Variants in ADGRG6 observed in about 807,000 individuals in gnomAD.
ADGRG6 encodes the protein adhesion G protein-coupled receptor G6, also known as G-protein coupled receptor 126.
Under a neutral mutation model 142.4 loss-of-function variants are expected in ADGRG6, and 84 were observed. The observed-to-expected ratio is 0.59, with a 90% CI of 0.49 to 0.71. The LOEUF (loss-of-function observed/expected upper bound fraction) is 0.71, where lower values mean the gene tolerates loss of function less well. ADGRG6 is among the 30% of genes least tolerant of loss of function. ADGRG6 has a pLI of 0.00. For synonymous variants in ADGRG6, 521 were observed against 520.5 expected (o/e 1.00, Z -0.01); for missense variants, 1,367 against 1,466.6 (o/e 0.93, Z 1.11).
intron 2 of ADGRG6, among the ~76,000 whole-genome samples, chr6:142,342,668 A>T (rs1429444839): frequency 6.6e-6 from 1 of 151,952 alleles, no homozygotes; most frequent in Non-Finnish European, 1.5e-5. Flanking sequence ...GCTTTTTAAA[A>T]CTTTGCTAAC....
chr6:142,411,198 C>CTGTA, intron 17 of ADGRG6, 107 bp from the exon 18 acceptor site: 1 of 685,232 alleles, frequency 1.5e-6, no homozygotes, highest in Non-Finnish European at 2.7e-6. Context: ...CAGATAAACT[C>CTGTA]TGTATGGCAG....
rs1479595023 is a variant in ADGRG6 at position 142,338,007 on chromosome 6, TTGTATCTTTG to T, written c.103+28365_103+28374del. On this transcript the variant is annotated intron_variant, in intron 2 of 24. Transcript: ENST00000367609. ...TCTGACACTAAATCCTTTTTATGCC[TTGTATCTTTG>T]TTTTTTTTTTTTTTTTTTTTTGAGA... Among the ~76,000 whole-genome samples, 809 of 93,336 alleles carry T rather than the reference TTGTATCTTTG, an allele frequency of 8.7e-3. 25 individuals are homozygous for T. Among genetic ancestry groups the T allele is most frequent in the African/African-American group, 0.037 (761 of 20,660 alleles). 61.2% of individuals were successfully genotyped at this position (93,336 alleles called of 152,430 possible). A position where few individuals can be genotyped will look rare whatever the true frequency, so the allele number is the denominator to read the frequency against.
chr6:142,405,525 G>A (rs772875173), intron 14 of ADGRG6, 163 bp from the exon 15 acceptor site: 3 of 681,858 alleles, frequency 4.4e-6, no homozygotes, highest in Non-Finnish European at 8.0e-6. Flanking sequence ...TGTCTGTAGG[G>A]GTTTATCCAG....
intron 7 of ADGRG6, among the ~76,000 whole-genome samples, chr6:142,391,493 A>G: frequency 6.6e-6 from 1 of 151,538 alleles, no homozygotes; most frequent in East Asian, 1.9e-4. Context: ...ACATCTATAT[A>G]TATTTGAAAA....
At chr6:142,440,629 T>C (rs1372869401) in intron 24 of ADGRG6, among the ~76,000 whole-genome samples, 1 of 152,154 alleles carries the variant, frequency 6.6e-6, no homozygotes, top group African/African-American at 2.4e-5. Flanking sequence ...GCATTAATGT[T>C]CTTGTTTCCC....
intron 13 of ADGRG6, among the ~76,000 whole-genome samples, chr6:142,403,185 C>T (rs1775622091): frequency 6.6e-6 from 1 of 151,978 alleles, no homozygotes; most frequent in African/African-American, 2.4e-5. Flanking sequence ...GTGAACTATG[C>T]CACTGACAGC....
intron 2 of ADGRG6, among the ~76,000 whole-genome samples, chr6:142,363,840 A>T (rs1047891927): frequency 6.6e-6 from 1 of 152,174 alleles, no homozygotes; most frequent in Non-Finnish European, 1.5e-5. Flanking sequence ...ACTATATTTC[A>T]TACTTCCTAA....
chr6:142,442,630 T>G (rs1300236159), intron 24 of ADGRG6, among the ~76,000 whole-genome samples: 2 of 152,082 alleles, frequency 1.3e-5, no homozygotes, highest in African/African-American at 2.4e-5. Flanking sequence ...CATTTTCTAT[T>G]AAAATATTTC....
At chr6:142,440,821 A>G (rs113321330) in intron 24 of ADGRG6, 26 of 692,102 alleles carry the variant, frequency 3.8e-5, no homozygotes, top group African/African-American at 3.5e-4. Flanking sequence ...CACTCAAGGT[A>G]TGCAAAACGT....
chr6:142,392,904 T>G, intron 7 of ADGRG6, 44 bp from the exon 8 acceptor site: 1 of 1,330,252 alleles, frequency 7.5e-7, no homozygotes, highest in Non-Finnish European at 1.1e-6. Context: ...AGATATTTTT[T>G]AAAGGTATTA....
intron 2 of ADGRG6, among the ~76,000 whole-genome samples, chr6:142,343,123 A>G (rs914466828): frequency 1.4e-4 from 22 of 151,864 alleles, no homozygotes; most frequent in African/African-American, 4.8e-4. Context: ...GCAAAATCAG[A>G]TATGTGCTTT....
intron 24 of ADGRG6, among the ~76,000 whole-genome samples, chr6:142,440,170 G>A (rs763814373): frequency 1.3e-5 from 2 of 152,154 alleles, no homozygotes; most frequent in South Asian, 2.1e-4. Context: ...TATAGGATTC[G>A]GGGGAAAACG....
Position 142,444,314 on chromosome 6 carries a change from C to T in ADGRG6, c.*799C>T, listed in dbSNP as rs1012529998. 1.3e-5 allele frequency: 2 copies of T among 152,156 alleles called. No homozygotes were observed. The highest frequency in any genetic ancestry group is 2.9e-5 in the Non-Finnish European group (2 of 68,028). 9.4% of individuals were successfully genotyped at this position (152,156 alleles called of 1,614,324 possible). The stretch of plus-strand genomic sequence containing the variant: ...TAAGAATGAATCTCTTACACCTCTA[C>T]TTTTGCCCCTCTACTGTATATTAAG... On this transcript the variant is annotated 3_prime_UTR_variant, in exon 25 of 25. Coordinates refer to ENST00000367609, the MANE Select transcript of ADGRG6 (RefSeq NM_198569.3).
At chr6:142,374,957 A>G (rs1167906506) in intron 4 of ADGRG6, among the ~76,000 whole-genome samples, 3 of 152,196 alleles carry the variant, frequency 2.0e-5, no homozygotes, top group Admixed American at 1.3e-4. Flanking sequence ...CAAGTATACA[A>G]TCATTGTTAT....
intron 18 of ADGRG6, among the ~76,000 whole-genome samples, chr6:142,412,051 T>C (rs1776115541): frequency 6.6e-6 from 1 of 152,172 alleles, no homozygotes; most frequent in African/African-American, 2.4e-5. Context: ...TTTATCTTAT[T>C]AGCCAGCTTG....
At chr6:142,393,037 G>A (rs1774983013) in intron 8 of ADGRG6, 37 bp downstream of exon 8, 3 of 1,140,756 alleles carry the variant, frequency 2.6e-6, no homozygotes, top group Non-Finnish European at 4.0e-6. Flanking sequence ...ATTAAAAGTA[G>A]TGTCTAATTT....
intron 2 of ADGRG6, among the ~76,000 whole-genome samples, chr6:142,367,197 G>C (rs1474667128): frequency 6.6e-6 from 1 of 151,958 alleles, no homozygotes. Flanking sequence ...TCTTAACCTG[G>C]GTCAGTGAAC....
At chr6:142,323,538 G>A (rs1778619496) in intron 2 of ADGRG6, among the ~76,000 whole-genome samples, 3 of 152,010 alleles carry the variant, frequency 2.0e-5, no homozygotes, top group Admixed American at 2.0e-4. Context: ...ATATGACAGT[G>A]GTCTCATAAG....
chr6:142,337,527 G>A (rs534306833), intron 2 of ADGRG6, among the ~76,000 whole-genome samples: 6 of 152,188 alleles, frequency 3.9e-5, no homozygotes, highest in African/African-American at 1.4e-4. Flanking sequence ...GAGAGCTCAA[G>A]GCTTGCTTTA....
Sources: allele counts gnomAD v4.1 joint callset (sites outside exome capture counted in the v4.1 genomes callset), GRCh38; gene constraint gnomAD v4.1.1; transcripts MANE v1.5; gene names NCBI Gene and HGNC (gene_info 2026-07-23, HGNC 2026-07-21).